DPP6: variants seen among roughly 807,000 people sequenced by gnomAD.
The protein encoded by DPP6 is dipeptidyl peptidase like 6, also known as A-type potassium channel modulatory protein DPP6.
Under a neutral mutation model 122.6 loss-of-function variants are expected in DPP6, and 69 were observed. The ratio of observed to expected loss-of-function variants is 0.56; its 90% CI spans 0.46 to 0.69. The LOEUF is 0.69. Among genes scored for constraint, DPP6 ranks in the 30% least tolerant of loss-of-function variants. The pLI is 0.00. For synonymous variants in DPP6, 418 were observed against 433.1 expected, an observed-to-expected ratio of 0.97 and a Z score of 0.43; for missense variants, 928 against 1,116.9, an observed-to-expected ratio of 0.83 and a Z score of 2.41.
chr7:154,621,542 T>C (rs986509716), intron 5 of DPP6, among the ~76,000 whole-genome samples: 2 of 145,340 alleles, frequency 1.4e-5, no homozygotes, highest in African/African-American at 2.6e-5. Context: ...CTAATTTTTG[T>C]ATTTTTAGTA....
chr7:154,139,457 C>T (rs1795737238), intron 1 of DPP6, among the ~76,000 whole-genome samples: 1 of 149,462 alleles, frequency 6.7e-6, no homozygotes, highest in Non-Finnish European at 1.5e-5. Flanking sequence ...TTATTCTATC[C>T]AGGACCTTAA....
intron 1 of DPP6, among the ~76,000 whole-genome samples, chr7:154,117,596 C>T (rs1807084301): frequency 6.6e-6 from 1 of 152,220 alleles, no homozygotes; most frequent in African/African-American, 2.4e-5. Flanking sequence ...CATTGTTCAG[C>T]ATGACTGGGA....
At chr7:154,134,236 A>G (rs556423088) in intron 1 of DPP6, among the ~76,000 whole-genome samples, 5 of 152,256 alleles carry the variant, frequency 3.3e-5, no homozygotes, top group African/African-American at 1.2e-4. Context: ...TTTTGTGCTG[A>G]GACTCATCTT....
rs1830792997 is a variant in DPP6 at position 154,566,920 on chromosome 7, AG to A, written c.627+5del. 1 of 1,594,152 alleles carries A rather than the reference AG, an allele frequency of 6.3e-7. No individual in the cohort carries two copies. The highest frequency in any genetic ancestry group is 8.6e-7 in the Non-Finnish European group (1 of 1,163,274). On this transcript the variant is annotated splice_donor_5th_base_variant and intron_variant, in intron 5 of 25. Transcript: ENST00000377770. ...TTTTTCATACAATGTGGAACCCGTG[AG>A]TATTATCCTTTACTGCCTACAAAAT...
intron 1 of DPP6, among the ~76,000 whole-genome samples, chr7:153,973,396 A>G (rs139731671): frequency 2.0e-5 from 3 of 152,202 alleles, no homozygotes; most frequent in African/African-American, 4.8e-5. Context: ...TTCTTTTCAA[A>G]CATTCAGTAA....
chr7:154,014,808 G>A (rs1223150428), intron 1 of DPP6, among the ~76,000 whole-genome samples: 1 of 152,002 alleles, frequency 6.6e-6, no homozygotes, highest in Non-Finnish European at 1.5e-5. Flanking sequence ...GTCTGCTATG[G>A]ATAATGAGGC....
At chr7:154,205,276 T>A (rs1401611561) in intron 1 of DPP6, among the ~76,000 whole-genome samples, 1 of 152,208 alleles carries the variant, frequency 6.6e-6, no homozygotes, top group Non-Finnish European at 1.5e-5. Flanking sequence ...GACATGGATG[T>A]AGTCATGATA....
intron 5 of DPP6, among the ~76,000 whole-genome samples, chr7:154,597,084 G>T (rs1216115689): frequency 6.6e-6 from 1 of 152,056 alleles, no homozygotes; most frequent in Non-Finnish European, 1.5e-5. Context: ...AAACCTCAGG[G>T]CAGGAAAATT....
At position 154,868,057 on chromosome 7, in the gene DPP6, A is replaced by C; in HGVS notation, c.1777A>C (p.Lys593Gln). The C allele has an allele frequency of 6.2e-7, 1 of 1,609,452 alleles. No homozygotes were observed. The highest frequency in any genetic ancestry group is 1.1e-5 in the South Asian group (1 of 89,450). Reference protein sequence around the residue: ...KKAINDRQMPKVEYRDIEIDD... With the variant: ...KKAINDRQMPQVEYRDIEIDD... The stretch of plus-strand genomic sequence containing the variant: ...GGCCATAAATGACCGACAGATGCCT[A>C]AAGTGGAATACAGGGACATTGAGAT... Residue 593 changes from lysine to glutamine, a missense_variant, in exon 18 of 26, where the codon AAA becomes CAA. Transcript: ENST00000377770.
chr7:154,339,986 T>G (rs1417818928), intron 1 of DPP6, among the ~76,000 whole-genome samples: 5 of 152,076 alleles, frequency 3.3e-5, no homozygotes, highest in African/African-American at 1.2e-4. Context: ...GGCAAGAGAA[T>G]TGCTTGAACC....
At chr7:154,099,515 G>A (rs1265441032) in intron 1 of DPP6, among the ~76,000 whole-genome samples, 1 of 152,068 alleles carries the variant, frequency 6.6e-6, no homozygotes, top group African/African-American at 2.4e-5. Flanking sequence ...TGGCCAAGAG[G>A]TCACGTTGCA....
At chr7:153,826,076 A>G in the DPP6 span, among the ~76,000 whole-genome samples, 1 of 152,270 alleles carries the variant, frequency 6.6e-6, no homozygotes. Context: ...TAAAGGCAGC[A>G]TAGAGAAGAC....
the DPP6 span, among the ~76,000 whole-genome samples, chr7:153,836,361 G>T: frequency 1.3e-5 from 2 of 152,106 alleles, no homozygotes; most frequent in Admixed American, 6.5e-5. Context: ...GGTACAGGGG[G>T]AAGAAGAGTG....
chr7:154,186,419 C>T (rs541327316), intron 1 of DPP6, among the ~76,000 whole-genome samples: 2 of 152,374 alleles, frequency 1.3e-5, no homozygotes, highest in South Asian at 4.1e-4. Flanking sequence ...CCACTGACAT[C>T]TCCGAATGAT....
At chr7:154,824,090 G>A (rs536938880) in intron 16 of DPP6, among the ~76,000 whole-genome samples, 145 of 152,280 alleles carry the variant, frequency 9.5e-4, no homozygotes, top group Middle Eastern at 6.8e-3. Flanking sequence ...TTGGTGAAAA[G>A]TCTGTTTCTT....
chr7:154,355,826 C>A (rs1291405944), intron 1 of DPP6, among the ~76,000 whole-genome samples: 1 of 152,134 alleles, frequency 6.6e-6, no homozygotes, highest in Admixed American at 6.5e-5. Context: ...TTGCCCTTTA[C>A]GTTTTCATTA....
intron 1 of DPP6, among the ~76,000 whole-genome samples, chr7:154,445,409 T>G (rs1364341338): frequency 1.3e-5 from 2 of 152,218 alleles, no homozygotes; most frequent in African/African-American, 4.8e-5. Flanking sequence ...GACTAAAAGT[T>G]ATATGATTCC....
At chr7:154,829,682 C>A (rs554409001) in intron 16 of DPP6, among the ~76,000 whole-genome samples, 67 of 152,240 alleles carry the variant, frequency 4.4e-4, no homozygotes, top group African/African-American at 1.6e-3. Context: ...TGGCATCATA[C>A]GCAAGAGCAT....
At chr7:154,629,495 C>T (rs1438890332) in intron 5 of DPP6, among the ~76,000 whole-genome samples, 14 of 152,036 alleles carry the variant, frequency 9.2e-5, no homozygotes, top group Admixed American at 9.2e-4. Flanking sequence ...GTATTTTCAG[C>T]CTTGCTTCTC....
Sources: allele counts gnomAD v4.1 joint callset (sites outside exome capture counted in the v4.1 genomes callset), GRCh38; gene constraint gnomAD v4.1.1; transcripts MANE v1.5; gene names NCBI Gene and HGNC (gene_info 2026-07-23, HGNC 2026-07-21).